The following ATF2 variants were observed in gnomAD, a reference collection of about 807,000 sequenced individuals.
ATF2 encodes the protein activating transcription factor 2.
ATF2 carries 24 observed loss-of-function variants against 60.6 expected under a neutral mutation model. The ratio of observed to expected loss-of-function variants is 0.40; its 90% CI spans 0.29 to 0.56. The LOEUF (loss-of-function observed/expected upper bound fraction) is 0.56. ATF2 is among the 20% of genes least tolerant of loss of function. The pLI, the probability that ATF2 is intolerant of heterozygous loss-of-function variation, is 0.54. For missense variants in ATF2, 433 were observed against 607.7 expected, an observed-to-expected ratio of 0.71 and a Z score of 3.02; for synonymous variants, 206 against 215.4, an observed-to-expected ratio of 0.96 and a Z score of 0.38.
intron 2 of ATF2, among the ~76,000 whole-genome samples, chr2:175,137,408 C>T (rs1698215212): frequency 6.6e-6 from 1 of 152,138 alleles, no homozygotes; most frequent in African/African-American, 2.4e-5. Flanking sequence ...ATGCTTCTGT[C>T]ATTACAAGTA....
intron 12 of ATF2, chr2:175,092,287 G>A (rs1387047486): frequency 1.3e-5 from 2 of 154,242 alleles, no homozygotes; most frequent in African/African-American, 4.8e-5. Context: ...TAATTCAGAA[G>A]ATTGAGCTAG....
At chr2:175,118,872 G>GA (rs956155372) in intron 5 of ATF2, among the ~76,000 whole-genome samples, 4 of 149,942 alleles carry the variant, frequency 2.7e-5, no homozygotes, top group African/African-American at 7.3e-5. Context: ...TTGTAAGAAA[G>GA]AAAAAAAAAG....
intron 11 of ATF2, among the ~76,000 whole-genome samples, chr2:175,094,356 T>C (rs1315808346): frequency 1.5e-5 from 2 of 132,016 alleles, no homozygotes; most frequent in African/African-American, 5.7e-5. Flanking sequence ...ATAACACCAC[T>C]GCACGCCAGC....
chr2:175,095,130 C>T (rs534202837), intron 11 of ATF2, among the ~76,000 whole-genome samples: 1 of 151,364 alleles, frequency 6.6e-6, no homozygotes, highest in African/African-American at 2.4e-5. Context: ...TGGAGTCTCG[C>T]TCTGTGGCCC....
intron 1 of ATF2, among the ~76,000 whole-genome samples, chr2:175,160,736 G>C (rs1294809997): frequency 1.3e-5 from 2 of 151,990 alleles, no homozygotes; most frequent in Non-Finnish European, 2.9e-5. Flanking sequence ...GTTTATAATA[G>C]GATTGGTGGA....
At chr2:175,084,602 A>T (rs1467897645) in intron 12 of ATF2, among the ~76,000 whole-genome samples, 2 of 151,134 alleles carry the variant, frequency 1.3e-5, no homozygotes, top group Non-Finnish European at 3.0e-5. Flanking sequence ...TATGTAACTA[A>T]CCGGCACATT....
At chr2:175,117,882 G>A (rs544170123) in intron 7 of ATF2, 108 bp downstream of exon 7, 356 of 1,246,884 alleles carry the variant, frequency 2.9e-4, no homozygotes, top group Non-Finnish European at 3.0e-4. Flanking sequence ...TAAAACTATT[G>A]CAAGCTGACA....
chr2:175,151,463 T>C (rs1334398768), intron 1 of ATF2, among the ~76,000 whole-genome samples: 4 of 151,982 alleles, frequency 2.6e-5, no homozygotes, highest in South Asian at 2.1e-4. Context: ...TTGGTGAAAG[T>C]AGAAAAATGA....
intron 12 of ATF2, among the ~76,000 whole-genome samples, chr2:175,087,842 A>G (rs1365783117): frequency 1.3e-5 from 2 of 152,188 alleles, no homozygotes; most frequent in Admixed American, 6.5e-5. Flanking sequence ...TAGAGCTACA[A>G]AATATTTTGG....
At chr2:175,104,618 A>T (rs541445022) in intron 10 of ATF2, among the ~76,000 whole-genome samples, 2 of 152,232 alleles carry the variant, frequency 1.3e-5, no homozygotes, top group African/African-American at 4.8e-5. Context: ...TTCTGTGACC[A>T]TTTATCTGGT....
intron 12 of ATF2, chr2:175,092,717 C>CA (rs1030240891): frequency 8.6e-6 from 3 of 349,938 alleles, no homozygotes; most frequent in South Asian, 2.5e-5. Context: ...TGCTATAAAC[C>CA]AAAAAAATAG....
intron 10 of ATF2, among the ~76,000 whole-genome samples, chr2:175,099,764 T>C (rs752061420): frequency 6.6e-6 from 1 of 152,230 alleles, no homozygotes; most frequent in East Asian, 1.9e-4. Context: ...GATGCAGAGC[T>C]GTTAAGCTAG....
intron 2 of ATF2, among the ~76,000 whole-genome samples, chr2:175,146,191 T>C (rs1475104221): frequency 6.6e-6 from 1 of 152,214 alleles, no homozygotes; most frequent in Admixed American, 6.5e-5. Context: ...AGGTAAACTC[T>C]ATAAATTCAC....
chr2:175,143,540 C>T (rs1698742595), intron 2 of ATF2, among the ~76,000 whole-genome samples: 1 of 152,066 alleles, frequency 6.6e-6, no homozygotes, highest in African/African-American at 2.4e-5. Flanking sequence ...AAAGTAAAGG[C>T]ATATTTTAAG....
chr2:175,156,387 A>C (rs1445428475), intron 1 of ATF2, among the ~76,000 whole-genome samples: 14 of 149,438 alleles, frequency 9.4e-5, no homozygotes, highest in Middle Eastern at 3.4e-3. Flanking sequence ...CAAAAAAAAA[A>C]AAAAAAAAAA....
chr2:175,122,648 T>C (rs1697044872), intron 4 of ATF2, among the ~76,000 whole-genome samples: 1 of 152,038 alleles, frequency 6.6e-6, no homozygotes, highest in African/African-American at 2.4e-5. Context: ...TCCGTCTGCC[T>C]GTAGAGGTGA....
At chr2:175,134,534 C>T (rs968691958) in intron 3 of ATF2, among the ~76,000 whole-genome samples, 1 of 137,350 alleles carries the variant, frequency 7.3e-6, no homozygotes, top group Non-Finnish European at 1.6e-5. Flanking sequence ...CATCTGAAAA[C>T]TGGTTTAAAA....
chr2:175,139,447 A>G (rs10187148), intron 2 of ATF2, among the ~76,000 whole-genome samples: 39,750 of 151,852 alleles, frequency 0.26, 6,174 homozygotes, highest in African/African-American at 0.44. Context: ...CGAGGCGGGC[A>G]AATCACCTGA....
chr2:175,146,611 A>G (rs896044980), intron 2 of ATF2, among the ~76,000 whole-genome samples: 1 of 151,604 alleles, frequency 6.6e-6, no homozygotes, highest in Non-Finnish European at 1.5e-5. Context: ...AGTTACCCAC[A>G]GTCAACAGCT....
Sources: allele counts gnomAD v4.1 joint callset (sites outside exome capture counted in the v4.1 genomes callset), GRCh38; gene constraint gnomAD v4.1.1; transcripts MANE v1.5; gene names NCBI Gene and HGNC (gene_info 2026-07-23, HGNC 2026-07-21).